The following NLRP8 variants were observed in gnomAD, a reference collection of about 807,000 sequenced individuals.
NLRP8 encodes NACHT, LRR and PYD domains-containing protein 8.
A neutral mutation model predicts 88.7 loss-of-function variants in NLRP8; 86 were observed. The observed-to-expected ratio is 0.97, with a 90% CI of 0.81 to 1.16. The LOEUF (loss-of-function observed/expected upper bound fraction) is 1.16, where lower values mean the gene tolerates loss of function less well. NLRP8 is among the 50% of genes most tolerant of loss of function. NLRP8 has a pLI of 0.00. For missense variants in NLRP8, 1,342 were observed against 1,286.5 expected, an observed-to-expected ratio of 1.04 and a Z score of -0.66; for synonymous variants, 504 against 494.6, an observed-to-expected ratio of 1.02 and a Z score of -0.25.
chr19:55,958,123 C>G (rs1313546477), intron 3 of NLRP8, among the ~76,000 whole-genome samples: 1 of 152,064 alleles, frequency 6.6e-6, no homozygotes, highest in African/African-American at 2.4e-5. Context: ...GTGGCTATGA[C>G]GAGAAGAGAG....
chr19:55,957,107 G>A (rs1979389757), intron 3 of NLRP8, among the ~76,000 whole-genome samples: 2 of 152,066 alleles, frequency 1.3e-5, no homozygotes, highest in Non-Finnish European at 2.9e-5. Flanking sequence ...TCCTACTTTT[G>A]TGTATCAGAA....
At position 55,979,415 on chromosome 19, in the gene NLRP8, C is replaced by G. The variant is rs866108222; in HGVS notation, c.2898C>G (p.Thr966=). Residue 966 remains threonine (T), a synonymous_variant, in exon 9 of 10, where the codon ACC becomes ACG. Coordinates refer to ENST00000291971, the MANE Select transcript of NLRP8 (RefSeq NM_176811.2). ...ACAGGCTGGAAAACTGCCTGTTCAC[C>G]TCCATCTGCTGCCAGGCCATGGCTT... is the stretch of plus-strand genomic sequence containing the variant. The G allele has an allele frequency of 2.5e-6, 4 of 1,613,946 alleles. No homozygotes were observed. Among genetic ancestry groups the G allele is most frequent in the Admixed American group, 3.3e-5 (2 of 60,020 alleles).
At chr19:55,974,939 G>C (rs929041444) in intron 7 of NLRP8, among the ~76,000 whole-genome samples, 5 of 152,040 alleles carry the variant, frequency 3.3e-5, no homozygotes, top group Non-Finnish European at 7.4e-5. Context: ...AGGTTAGAAA[G>C]GGAGCTGGAA....
At chr19:55,965,277 C>G (rs1979786466) in intron 4 of NLRP8, among the ~76,000 whole-genome samples, 1 of 152,038 alleles carries the variant, frequency 6.6e-6, no homozygotes. Context: ...ATAATAAAAT[C>G]CTGTCTCTAT....
At chr19:55,957,673 T>TTATATATA (rs10523999) in intron 3 of NLRP8, among the ~76,000 whole-genome samples, 3 of 31,210 alleles carry the variant, frequency 9.6e-5, no homozygotes, top group African/African-American at 2.4e-4. Flanking sequence ...AAAATAATAA[T>TTATATATA]TATATATATA....
At chr19:55,962,587 CGCCCATCCATAAAATGTTCA>C (rs1437210005) in intron 4 of NLRP8, among the ~76,000 whole-genome samples, 9 of 152,138 alleles carry the variant, frequency 5.9e-5, no homozygotes, top group Non-Finnish European at 1.0e-4. Flanking sequence ...CACTTCAATG[CGCCCATCCATAAAATGTTCA>C]GCCCGGTGCT....
chr19:55,948,616 T>C (rs557513221), intron 1 of NLRP8, among the ~76,000 whole-genome samples: 1 of 152,100 alleles, frequency 6.6e-6, no homozygotes, highest in Non-Finnish European at 1.5e-5. Flanking sequence ...TTTTTTATTT[T>C]TAGTAGAGAC....
rs138338429 is a variant in NLRP8 at position 55,987,956 on chromosome 19, C to T, written c.*43C>T. On this transcript the variant is annotated 3_prime_UTR_variant, in exon 10 of 10. Transcript: ENST00000291971. Reference sequence around the variant, plus strand: ...CTCTGGGGCTTGATTGATCAGTTCCCACTCTGACAACTGGCAAATACCAGG... The same window carrying T: ...CTCTGGGGCTTGATTGATCAGTTCCTACTCTGACAACTGGCAAATACCAGG... 490 of 1,463,090 alleles carry T rather than the reference C, an allele frequency of 3.3e-4. 3 individuals are homozygous for T. In the African/African-American group the frequency reaches 6.1e-3, roughly 18 times the overall value. The allele number at this position is 1,463,090 out of a possible 1,614,324, so 90.6% of individuals were successfully genotyped here.
At chr19:55,975,137 C>G (rs755718796) in intron 7 of NLRP8, among the ~76,000 whole-genome samples, 9 of 152,156 alleles carry the variant, frequency 5.9e-5, no homozygotes, top group Non-Finnish European at 1.3e-4. Flanking sequence ...GAACCATAAC[C>G]ATCGAATCCC....
At chr19:55,968,468 C>T (rs751033086) in intron 5 of NLRP8, among the ~76,000 whole-genome samples, 7 of 150,882 alleles carry the variant, frequency 4.6e-5, no homozygotes, top group Admixed American at 2.7e-4. Flanking sequence ...AGGCCAGGCA[C>T]GGTGGCTCAC....
chr19:55,979,565 G>C lies in NLRP8; in HGVS notation c.3047+1G>C, dbSNP rs1484009263. 1 of 1,614,086 alleles carries C rather than the reference G, an allele frequency of 6.2e-7. No homozygotes were observed. The highest frequency in any genetic ancestry group is 1.7e-5 in the Admixed American group (1 of 60,008). On this transcript the variant is annotated splice_donor_variant, in intron 9 of 9. Transcript: ENST00000291971. LOFTEE classifies it high-confidence loss of function. ...AAAAGAAGAGAGAAGAGGTCATTTT[G>C]TAAGTCTCCACCGGGTTTCCTGTGC...
At chr19:55,958,644 A>T (rs1272512099) in intron 3 of NLRP8, among the ~76,000 whole-genome samples, 1 of 152,188 alleles carries the variant, frequency 6.6e-6, no homozygotes, top group East Asian at 1.9e-4. Context: ...AGCAAAGCTG[A>T]ATATATTTGC....
intron 7 of NLRP8, among the ~76,000 whole-genome samples, chr19:55,975,266 T>C (rs1980259066): frequency 6.6e-6 from 1 of 152,190 alleles, no homozygotes; most frequent in South Asian, 2.1e-4. Context: ...CAAATGTTTG[T>C]GAAAGGCAAG....
intron 3 of NLRP8, among the ~76,000 whole-genome samples, chr19:55,960,906 T>TTTTA (rs1199665466): frequency 6.9e-6 from 1 of 144,062 alleles, no homozygotes; most frequent in East Asian, 2.0e-4. Flanking sequence ...TCTTTTTTTT[T>TTTTA]TTTTTTTTTT....
intron 4 of NLRP8, among the ~76,000 whole-genome samples, chr19:55,963,717 A>AT (rs200972890): frequency 3.3e-5 from 5 of 150,958 alleles, no homozygotes; most frequent in Non-Finnish European, 5.9e-5. Context: ...TGCCCGGCTA[A>AT]TTTTTTTTTT....
intron 2 of NLRP8, among the ~76,000 whole-genome samples, chr19:55,953,035 CAGG>C (rs1289834784): frequency 6.6e-6 from 1 of 152,198 alleles, no homozygotes; most frequent in African/African-American, 2.4e-5. Context: ...GGCCACACAG[CAGG>C]AGGTGAGTGG....
At position 55,988,587 on chromosome 19, in the gene NLRP8, T is replaced by C. The variant is rs1980983451; in HGVS notation, c.*674T>C. 6.7e-6 allele frequency: 1 copy of C among 150,298 alleles called. No individual in the cohort carries two copies. Among genetic ancestry groups the C allele is most frequent in the Non-Finnish European group, 1.5e-5 (1 of 67,524 alleles). 9.3% of individuals were successfully genotyped at this position (150,298 alleles called of 1,614,324 possible). A position where few individuals can be genotyped will look rare whatever the true frequency, so the allele number is the denominator to read the frequency against. Reference sequence around the variant, plus strand: ...ATTCTCAGCTCTGAATGTATGAACCTGCTCAATCACCTCATCTTAAAAATA... The same window carrying C: ...ATTCTCAGCTCTGAATGTATGAACCCGCTCAATCACCTCATCTTAAAAATA... On this transcript the variant is annotated 3_prime_UTR_variant, in exon 10 of 10. Coordinates refer to ENST00000291971, the MANE Select transcript of NLRP8 (RefSeq NM_176811.2).
In NLRP8 at chr19:55,947,948, T is replaced by A; in HGVS notation, c.46T>A (p.Ser16Thr). The change falls in exon 1 of 10, where the codon TCC (serine) becomes ACC (threonine). Residue 16 changes from serine (S) to threonine (T), a missense_variant. By Grantham distance (58) the Ser-to-Thr change is moderately conservative. Coordinates refer to ENST00000291971, the MANE Select transcript of NLRP8 (RefSeq NM_176811.2). ...CTCTGACACCCCCATTCCCTTTTCA[T>A]CCTCCTCCACTCACAGTTCTCATAT... is the stretch of plus-strand genomic sequence containing the variant. 3.7e-6 allele frequency: 6 copies of A among 1,613,952 alleles called. No homozygotes were observed. The highest frequency in any genetic ancestry group is 3.3e-5 in the South Asian group (3 of 91,070).
Position 55,987,974 on chromosome 19 carries a change from A to ATACAGGATGATAACGCCCGGTATT in NLRP8, c.*64_*65insAGGATGATAACGCCCGGTATTTAC. On this transcript the variant is annotated 3_prime_UTR_variant, in exon 10 of 10. Transcript: ENST00000291971. ...CAGTTCCCACTCTGACAACTGGCAA[A>ATACAGGATGATAACGCCCGGTATT]TACCAGGCGTTATCATCCTGTATGC... 7.7e-7 allele frequency: 1 copy of ATACAGGATGATAACGCCCGGTATT among 1,301,672 alleles called. No individual in the cohort carries two copies. Among genetic ancestry groups the ATACAGGATGATAACGCCCGGTATT allele is most frequent in the Non-Finnish European group, 1.1e-6 (1 of 896,982 alleles). 80.6% of individuals were successfully genotyped at this position (1,301,672 alleles called of 1,614,324 possible).
Sources: allele counts gnomAD v4.1 joint callset (sites outside exome capture counted in the v4.1 genomes callset), GRCh38; gene constraint gnomAD v4.1.1; transcripts MANE v1.5; gene names NCBI Gene and HGNC (gene_info 2026-07-23, HGNC 2026-07-21).